Variants in CHERP observed in about 807,000 individuals in gnomAD.
The protein encoded by CHERP is ERPROT 213-21.
A neutral mutation model predicts 113.8 loss-of-function variants in CHERP; 8 were observed. The observed-to-expected ratio is 0.07, with a 90% CI of 0.04 to 0.13. The LOEUF is 0.13. Ranked by LOEUF, CHERP falls within the 10% of genes least tolerant of loss-of-function variation. CHERP has a pLI of 1.00. For missense variants in CHERP, 884 were observed against 1,298.2 expected (o/e 0.68, Z 4.90); for synonymous variants, 559 against 524.5 (o/e 1.07, Z -0.90).
rs531311755 is a variant in CHERP at position 16,525,725 on chromosome 19, TGCTCGGCAGCATCACAGC to T, written c.1306-66_1306-49del. 2,965 of 1,413,714 alleles carry T rather than the reference TGCTCGGCAGCATCACAGC, an allele frequency of 2.1e-3. 13 individuals carry two copies. Among genetic ancestry groups the T allele is most frequent in the Middle Eastern group, 7.6e-3 (40 of 5,260 alleles). 87.6% of individuals were successfully genotyped at this position (1,413,714 alleles called of 1,614,324 possible). On this transcript the variant is annotated intron_variant, in intron 9 of 16. Transcript: ENST00000546361. The surrounding 1 kb of genome is among the most constrained non-coding windows in gnomAD (Gnocchi z 6.5). Reference sequence around the variant, plus strand: ...GAGCCCTGCGTGGTCTAGGCCCTAGTGCTCGGCAGCATCACAGCGCTCGGCAGCATCACAGCGCTGGCT... The same window carrying T: ...GAGCCCTGCGTGGTCTAGGCCCTAGTGCTCGGCAGCATCACAGCGCTGGCT...
At position 16,519,745 on chromosome 19, in the gene CHERP, G is replaced by C; in HGVS notation, c.2463-30C>G. The C allele has an allele frequency of 8.4e-6, 13 of 1,554,594 alleles. No homozygotes were observed. Among genetic ancestry groups the C allele is most frequent in the Non-Finnish European group, 1.2e-5 (13 of 1,126,100 alleles). ...AATCGAGACAGGTTATTCTTTTTAA[G>C]AAGTAACTGAGACATTTATTGGAAT... is the stretch of plus-strand genomic sequence containing the variant. On this transcript the variant is annotated intron_variant, in intron 15 of 16. Transcript: ENST00000546361. This position sits in a 1 kb window ranked among gnomAD's most constrained non-coding sequence, Gnocchi z 6.0.
At position 16,519,944 on chromosome 19, in the gene CHERP, AGAT is replaced by A. The variant is rs1304192047; in HGVS notation, c.2462+202_2462+204del. 3.0e-6 allele frequency: 2 copies of A among 666,234 alleles called. No individual in the cohort carries two copies. The highest frequency in any genetic ancestry group is 5.1e-6 in the Non-Finnish European group (2 of 389,206). 41.3% of individuals were successfully genotyped at this position (666,234 alleles called of 1,614,324 possible). ...ATTGAGAGCAGGACACCTCCAACCC[AGAT>A]GGTGGTTAGAAAGCAGACCCCAGTT... On this transcript the variant is annotated intron_variant, in intron 15 of 16. Transcript: ENST00000546361. This position sits in a 1 kb window ranked among gnomAD's most constrained non-coding sequence, Gnocchi z 6.0.
intron 7 of CHERP, 63 bp from the exon 8 acceptor site, chr19:16,529,963 G>A (rs1254392768): frequency 1.3e-6 from 2 of 1,546,756 alleles, no homozygotes; most frequent in African/African-American, 1.4e-5. Flanking sequence ...CCTGGCGCCA[G>A]AGGACAAACG....
Position 16,525,547 on chromosome 19 carries a change from G to A in CHERP, c.1436C>T (p.Pro479Leu). Residue 479 changes from proline to leucine, a missense_variant, in exon 10 of 17, where the codon CCC (proline) becomes CTC (leucine). By Grantham distance (98) the Pro-to-Leu change is moderately conservative (BLOSUM62 -3). Around this residue, in one of 8 missense-constraint regions of CHERP, gnomAD observed 464 missense variants for 590.1 expected, o/e 0.79. Transcript: ENST00000546361. This position sits in a 1 kb window ranked among gnomAD's most constrained non-coding sequence, Gnocchi z 6.5. ...GGCGGCGTCGGGCTGGTTGTTCCAG[G>A]GCGCGTCGCGCTGGCCGTTCCAGCC... ...DPGWNGQRDA[P>L]WNNQPDAAWN... 1 of 1,543,530 alleles carries A rather than the reference G, an allele frequency of 6.5e-7. No individual in the cohort carries two copies. The highest frequency in any genetic ancestry group is 8.7e-7 in the Non-Finnish European group (1 of 1,147,308).
At chr19:16,528,009 T>A (rs907247391) in intron 9 of CHERP, 71 bp downstream of exon 9, 4 of 1,471,738 alleles carry the variant, frequency 2.7e-6, no homozygotes, top group Non-Finnish European at 3.7e-6. Flanking sequence ...GCCCACCAAC[T>A]GGCATAGGGG....
chr19:16,522,063 C>A (rs1165632440), intron 11 of CHERP, among the ~76,000 whole-genome samples: 1 of 151,750 alleles, frequency 6.6e-6, no homozygotes, highest in Non-Finnish European at 1.5e-5. Flanking sequence ...GGCCTGTATC[C>A]TTCTTCTGCT....
chr19:16,535,392 G>A lies in CHERP; in HGVS notation c.384+60C>T, dbSNP rs2085734202. The A allele has an allele frequency of 1.3e-5, 20 of 1,543,090 alleles. No individual in the cohort carries two copies. Among genetic ancestry groups the A allele is most frequent in the East Asian group, 4.7e-5 (2 of 42,338 alleles). On this transcript the variant is annotated intron_variant, in intron 3 of 16. Transcript: ENST00000546361. This position sits in a 1 kb window ranked among gnomAD's most constrained non-coding sequence, Gnocchi z 4.3. The stretch of plus-strand genomic sequence containing the variant: ...CTGTTATTCATTCTGATGAGCAGAC[G>A]CAAAAACAGAGGCACAGGGGAGCTG...
Position 16,520,140 on chromosome 19 carries a change from G to T in CHERP, c.2462+9C>A, listed in dbSNP as rs1174485065. The T allele has an allele frequency of 1.2e-6, 2 of 1,611,862 alleles. No homozygotes were observed. Among genetic ancestry groups the T allele is most frequent in the Non-Finnish European group, 1.7e-6 (2 of 1,179,184 alleles). On this transcript the variant is annotated intron_variant, in intron 15 of 16. Coordinates refer to ENST00000546361, the MANE Select transcript of CHERP (RefSeq NM_006387.6). The surrounding 1 kb of genome is among the most constrained non-coding windows in gnomAD (Gnocchi z 4.0). The stretch of plus-strand genomic sequence containing the variant: ...AGTTACCAGCGCAGCACTTAAGACA[G>T]GATCTTACGGCGGGGTGGGGCTCCT...
intron 9 of CHERP, among the ~76,000 whole-genome samples, chr19:16,527,533 C>T (rs1376526924): frequency 6.6e-6 from 1 of 152,206 alleles, no homozygotes; most frequent in East Asian, 1.9e-4. Flanking sequence ...CGGGGCTGTG[C>T]CTCAGTGCTG....
intron 5 of CHERP, among the ~76,000 whole-genome samples, chr19:16,531,081 C>A (rs2085699728): frequency 6.6e-6 from 1 of 152,152 alleles, no homozygotes; most frequent in Non-Finnish European, 1.5e-5. Flanking sequence ...AAACAGCAAG[C>A]AGGGGAGGGA....
rs1264192657 is a variant in CHERP, at chr19:16,520,788, C to T, written c.2201+38G>A. The T allele has an allele frequency of 1.3e-6, 2 of 1,586,772 alleles. No homozygotes were observed. Among genetic ancestry groups the T allele is most frequent in the African/African-American group, 2.7e-5 (2 of 74,452 alleles). ...CTCCCACCCATCACAAGCTGTGGAC[C>T]CTGGCCCCCCGGCCACTGCAGACAT... is the stretch of plus-strand genomic sequence containing the variant. On this transcript the variant is annotated intron_variant, in intron 13 of 16. Coordinates refer to ENST00000546361, the MANE Select transcript of CHERP (RefSeq NM_006387.6). The surrounding 1 kb of genome is among the most constrained non-coding windows in gnomAD (Gnocchi z 4.0).
intron 3 of CHERP, among the ~76,000 whole-genome samples, chr19:16,534,887 C>A (rs1319578157): frequency 6.6e-6 from 1 of 152,068 alleles, no homozygotes; most frequent in Non-Finnish European, 1.5e-5. Context: ...ACCAGCCTGG[C>A]CAACCTGGTG....
In CHERP at chr19:16,525,367, G is replaced by A. The variant is rs1316154480; in HGVS notation, c.1616C>T (p.Pro539Leu). Residue 539 changes from proline (P) to leucine (L), a missense_variant, in exon 10 of 17, where the codon CCG (proline) becomes CTG (leucine). This residue lies in a region of CHERP where 464 missense variants were observed against 590.1 expected (regional missense o/e 0.79). Transcript: ENST00000546361. This position sits in a 1 kb window ranked among gnomAD's most constrained non-coding sequence, Gnocchi z 6.5. ...GAAGCGGTTGAAGTTGTGGGGGTGC[G>A]GAGGCTGGTTGAACTGCGGGTGCTG... ...HQQHPQFNQP[P>L]HPHNFNRFPP... is the part of the protein sequence containing the mutation. 5 of 1,493,480 alleles carry A rather than the reference G, an allele frequency of 3.3e-6. No individual in the cohort carries two copies. Among genetic ancestry groups the A allele is most frequent in the Admixed American group, 2.4e-5 (1 of 42,228 alleles). The allele number at this position is 1,493,480 out of a possible 1,614,324, so 92.5% of individuals were successfully genotyped here.
At chr19:16,521,943 C>CCCTCTGGTTTATTCAGACATGCAGCGGG in intron 11 of CHERP, among the ~76,000 whole-genome samples, 1 of 152,238 alleles carries the variant, frequency 6.6e-6, no homozygotes, top group Non-Finnish European at 1.5e-5. Flanking sequence ...GACCTGAACA[C>CCCTCTGGTTTATTCAGACATGCAGCGGG]CCTCTGGTTT....
chr19:16,521,643 G>A lies in CHERP; in HGVS notation c.1992C>T (p.His664=), dbSNP rs371699071. 47 of 1,587,316 alleles carry A rather than the reference G, an allele frequency of 3.0e-5. No individual in the cohort carries two copies. In the South Asian group the frequency reaches 3.0e-4, roughly 10 times the overall value. Residue 664 remains histidine, a synonymous_variant, in exon 12 of 17, where the codon CAC becomes CAT. Transcript: ENST00000546361. ...CTTTAGGGTCCAAAGGCTTGTACTC[G>A]TGATCTTCCAGCTGCAGCAGAGAAC... ...LMAPLVKLED[H]EYKPLDPKDI...
intron 9 of CHERP, among the ~76,000 whole-genome samples, chr19:16,527,567 G>A (rs1183838108): frequency 6.6e-6 from 1 of 152,174 alleles, no homozygotes; most frequent in Non-Finnish European, 1.5e-5. Context: ...CACGCTGCAG[G>A]GCATTTCACA....
intron 12 of CHERP, chr19:16,521,140 T>G: frequency 3.3e-6 from 2 of 597,942 alleles, no homozygotes; most frequent in Non-Finnish European, 6.0e-6. Flanking sequence ...GCTGTTCCGC[T>G]GAGGTGGTGG....
At position 16,535,299 on chromosome 19, in the gene CHERP, C is replaced by G. The variant is rs117824291; in HGVS notation, c.384+153G>C. 2.1e-3 allele frequency among the ~76,000 whole-genome samples: 320 copies of G among 152,340 alleles called. 13 individuals are homozygous for G. In the East Asian group the frequency reaches 0.056, roughly 27 times the overall value. On this transcript the variant is annotated intron_variant, in intron 3 of 16. Coordinates refer to ENST00000546361, the MANE Select transcript of CHERP (RefSeq NM_006387.6). This position sits in a 1 kb window ranked among gnomAD's most constrained non-coding sequence, Gnocchi z 4.3. ...GCAGCCTCTGTGTCTGGCATCAGGG[C>G]TGGGGGTGACAGTGGCTGACATGCA... is the stretch of plus-strand genomic sequence containing the variant.
rs2085594948 is a variant in CHERP at position 16,520,077 on chromosome 19, T to C, written c.2462+72A>G. On this transcript the variant is annotated intron_variant, in intron 15 of 16. Transcript: ENST00000546361. The surrounding 1 kb of genome is among the most constrained non-coding windows in gnomAD (Gnocchi z 4.0). ...CCTAACACAGTCTCCTAACCACCAA[T>C]GTTTCCACATTCACAGCAAAGCACC... 3 of 1,484,664 alleles carry C rather than the reference T, an allele frequency of 2.0e-6. No individual in the cohort carries two copies. The highest frequency in any genetic ancestry group is 2.8e-6 in the Non-Finnish European group (3 of 1,072,144). 92.0% of individuals were successfully genotyped at this position (1,484,664 alleles called of 1,614,324 possible).
Sources: gnomAD v4.1 joint callset for allele counts (sites outside exome capture counted in the v4.1 genomes callset) on GRCh38, gnomAD v4.1.1 for gene constraint, gnomAD v4.1.1 regional missense constraint, Gnocchi (gnomAD v3.1) non-coding constraint, MANE v1.5 for transcripts, NCBI Gene and HGNC (gene_info 2026-07-23, HGNC 2026-07-21) for gene names.